LIAT1: variants seen among roughly 807,000 people sequenced by gnomAD.
The protein encoded by LIAT1 is ligand of ATE1.
chr17:410,778 A>ACACATGC, the LIAT1 span: 1 of 780,584 alleles, frequency 1.3e-6, no homozygotes, highest in Non-Finnish European at 2.0e-6. Context: ...CCTGCTCCCC[A>ACACATGC]CACATGCCCG....
chr17:413,321 G>A, the LIAT1 span: 3 of 1,614,226 alleles, frequency 1.9e-6, no homozygotes, highest in South Asian at 2.2e-5. Flanking sequence ...TGCCGAAATA[G>A]AGAACCTTGC....
At chr17:410,522 C>T in the LIAT1 span, 3 of 1,545,218 alleles carry the variant, frequency 1.9e-6, no homozygotes, top group Non-Finnish European at 2.6e-6. Context: ...AGCGGGAGGG[C>T]GGCGCCGCGG....
At chr17:413,217 G>C in the LIAT1 span, 3 of 1,614,070 alleles carry the variant, frequency 1.9e-6, no homozygotes, top group African/African-American at 4.0e-5. Flanking sequence ...TTAAGTCCTT[G>C]CAAAGAGCGT....
chr17:410,457 C>T, the LIAT1 span: 1,468 of 1,540,314 alleles, frequency 9.5e-4, 1 homozygote, highest in Middle Eastern at 1.1e-3. Context: ...GCGGCTGGAC[C>T]GCCGCGGTGG....
At chr17:413,697 T>G in the LIAT1 span, 2 of 1,575,274 alleles carry the variant, frequency 1.3e-6, no homozygotes, top group Non-Finnish European at 1.7e-6. Flanking sequence ...CTCAAGGGTT[T>G]CCACATTGAC....
the LIAT1 span, chr17:410,463 G>A: frequency 6.5e-6 from 10 of 1,540,640 alleles, no homozygotes; most frequent in East Asian, 2.5e-5. Flanking sequence ...GGACCGCCGC[G>A]GTGGGGCGGG....
chr17:414,193 G>C, the LIAT1 span: 13 of 1,490,754 alleles, frequency 8.7e-6, no homozygotes, highest in South Asian at 1.7e-4. The surrounding 1 kb of genome is among the most constrained non-coding windows in gnomAD (Gnocchi z 4.1). Flanking sequence ...CATCATAAAA[G>C]GAAATGAGAC....
At chr17:410,448 C>G in the LIAT1 span, 2 of 1,539,180 alleles carry the variant, frequency 1.3e-6, no homozygotes, top group East Asian at 4.9e-5. Flanking sequence ...GCCCAGCGGG[C>G]GGCTGGACCG....
At chr17:412,007 A>G in the LIAT1 span, among the ~76,000 whole-genome samples, 7 of 152,170 alleles carry the variant, frequency 4.6e-5, no homozygotes, top group Admixed American at 3.9e-4. Flanking sequence ...GAAGGGAGCA[A>G]TGGGAAGATG....
chr17:414,543 TAAATGCATGGC>T, the LIAT1 span: 1 of 169,812 alleles, frequency 5.9e-6, no homozygotes, highest in Non-Finnish European at 1.3e-5. The surrounding 1 kb of genome is among the most constrained non-coding windows in gnomAD (Gnocchi z 4.1). Context: ...CTGTTTTAAT[TAAATGCATGGC>T]CTGCCTTTAT....
the LIAT1 span, chr17:414,294 G>A: frequency 1.4e-6 from 1 of 699,824 alleles, no homozygotes; most frequent in Non-Finnish European, 2.4e-6. This position sits in a 1 kb window ranked among gnomAD's most constrained non-coding sequence, Gnocchi z 4.1. Context: ...GAGCCACAGT[G>A]CCTTGAGAAC....
At chr17:410,368 C>A in the LIAT1 span, 68 of 1,507,636 alleles carry the variant, frequency 4.5e-5, no homozygotes, top group African/African-American at 9.1e-4. Context: ...CCTGGCCTGG[C>A]GGTCCGCGCT....
the LIAT1 span, chr17:414,329 C>A: frequency 1.8e-6 from 1 of 568,522 alleles, no homozygotes; most frequent in South Asian, 2.4e-5. The surrounding 1 kb of genome is among the most constrained non-coding windows in gnomAD (Gnocchi z 4.1). Flanking sequence ...GAACAGAGTT[C>A]TTTTCAGAAT....
At chr17:412,755 G>T in the LIAT1 span, among the ~76,000 whole-genome samples, 293 of 152,326 alleles carry the variant, frequency 1.9e-3, no homozygotes, top group African/African-American at 6.7e-3. Flanking sequence ...CACATGGCGA[G>T]GATGGATGAG....
At chr17:414,134 C>T in the LIAT1 span, 4 of 1,603,436 alleles carry the variant, frequency 2.5e-6, no homozygotes, top group Non-Finnish European at 3.4e-6. This position sits in a 1 kb window ranked among gnomAD's most constrained non-coding sequence, Gnocchi z 4.1. Context: ...CCACGACGCT[C>T]ACAAACTTAT....
the LIAT1 span, chr17:414,100 T>C: frequency 2.5e-6 from 4 of 1,613,062 alleles, no homozygotes; most frequent in African/African-American, 4.0e-5. This position sits in a 1 kb window ranked among gnomAD's most constrained non-coding sequence, Gnocchi z 4.1. Flanking sequence ...ACTTAGCTCC[T>C]ACTCTGCTGG....
At chr17:410,378 T>C in the LIAT1 span, 3 of 1,520,128 alleles carry the variant, frequency 2.0e-6, no homozygotes, top group South Asian at 2.5e-5. Context: ...CGGTCCGCGC[T>C]GAGAGTCGCC....
At chr17:413,083 C>A in the LIAT1 span, 3 of 1,559,198 alleles carry the variant, frequency 1.9e-6, no homozygotes, top group South Asian at 1.2e-5. Flanking sequence ...GTGATTTTGG[C>A]ACCATCCCCA....
At chr17:413,992 C>T in the LIAT1 span, 1 of 1,614,254 alleles carries the variant, frequency 6.2e-7, no homozygotes. Flanking sequence ...ACCTCTCGGA[C>T]AAAGATGGCA....
Sources: gnomAD v4.1 joint callset for allele counts (sites outside exome capture counted in the v4.1 genomes callset) on GRCh38, gnomAD v4.1.1 for gene constraint, Gnocchi (gnomAD v3.1) non-coding constraint, MANE v1.5 for transcripts, NCBI Gene and HGNC (gene_info 2026-07-23, HGNC 2026-07-21) for gene names.